Variants in LTBP1 observed in about 807,000 individuals in gnomAD.
LTBP1 encodes the protein latent transforming growth factor beta binding protein 1, also known as latent-transforming growth factor beta-binding protein 1.
Under a neutral mutation model 207.6 loss-of-function variants are expected in LTBP1, and 129 were observed. That is an observed-to-expected ratio of 0.62 (90% CI 0.54 to 0.72). LTBP1 has a LOEUF of 0.72. Among genes scored for constraint, LTBP1 ranks in the 30% least tolerant of loss-of-function variants. LTBP1 has a pLI of 0.00. For missense variants in LTBP1, 2,281 were observed against 2,217.2 expected (o/e 1.03, Z -0.58); for synonymous variants, 963 against 833.7 (o/e 1.16, Z -2.67).
chr2:33,270,537 C>T (rs1369121473), intron 15 of LTBP1, among the ~76,000 whole-genome samples: 2 of 145,990 alleles, frequency 1.4e-5, no homozygotes, highest in Non-Finnish European at 3.0e-5. Flanking sequence ...TTGCACTGAG[C>T]CGAGATCGTG....
intron 10 of LTBP1, 41 bp from the exon 11 acceptor site, chr2:33,252,636 T>C: frequency 1.7e-5 from 27 of 1,554,838 alleles, no homozygotes; most frequent in Non-Finnish European, 2.4e-5. Flanking sequence ...AATGTAGTTT[T>C]GGTTTCTCAT....
At chr2:32,963,911 G>A (rs867692101) in intron 2 of LTBP1, among the ~76,000 whole-genome samples, 2 of 152,156 alleles carry the variant, frequency 1.3e-5, no homozygotes, top group African/African-American at 2.4e-5. Flanking sequence ...TATCAAAAGC[G>A]AAGAATGATG....
At chr2:33,149,236 A>AAAAAAAC (rs2083313998) in intron 5 of LTBP1, among the ~76,000 whole-genome samples, 1 of 116,614 alleles carries the variant, frequency 8.6e-6, no homozygotes, top group Admixed American at 8.5e-5. Flanking sequence ...AACAAAAAAA[A>AAAAAAAC]AAAAAAAAAA....
At chr2:33,001,083 C>T (rs1197629361) in intron 2 of LTBP1, among the ~76,000 whole-genome samples, 1 of 134,748 alleles carries the variant, frequency 7.4e-6, no homozygotes. Context: ...GACCTTTAGT[C>T]CCTGAGCTGC....
chr2:33,254,324 T>G (rs1302257875), intron 11 of LTBP1, among the ~76,000 whole-genome samples: 5 of 152,108 alleles, frequency 3.3e-5, no homozygotes, highest in African/African-American at 1.2e-4. Context: ...ATTTTTTAAA[T>G]GTTTAGCTTT....
chr2:33,261,111 G>A (rs1573486371), intron 13 of LTBP1, among the ~76,000 whole-genome samples: 1 of 152,326 alleles, frequency 6.6e-6, no homozygotes, highest in Admixed American at 6.5e-5. Flanking sequence ...CCGAATTAGG[G>A]ACTGCTTTGG....
In LTBP1 at chr2:32,948,874, GGGT is replaced by G; in HGVS notation, c.495_497del (p.Val166del). 6.2e-7 allele frequency: 1 copy of G among 1,614,120 alleles called. No homozygotes were observed. The highest frequency in any genetic ancestry group is 2.2e-5 in the East Asian group (1 of 44,880). ...GACTCAGCGATCTTGCTTTGTTTCA[GGGT>G]CAATGTCTGTGGAGGGCGGTGCTGT... On this transcript the variant is annotated inframe_deletion and splice_region_variant, in exon 2 of 34. Coordinates refer to ENST00000404816, the MANE Select transcript of LTBP1 (RefSeq NM_206943.4).
chr2:33,205,440 T>G (rs2089773487), intron 7 of LTBP1, among the ~76,000 whole-genome samples: 1 of 152,230 alleles, frequency 6.6e-6, no homozygotes, highest in Admixed American at 6.5e-5. Context: ...TAGGTTGTGC[T>G]TCAGTAACAC....
At chr2:33,310,122 A>G (rs528316950) in intron 23 of LTBP1, among the ~76,000 whole-genome samples, 143 of 151,406 alleles carry the variant, frequency 9.4e-4, no homozygotes, top group African/African-American at 3.2e-3. Flanking sequence ...AAATTTTTGT[A>G]TTTTTACTGG....
intron 17 of LTBP1, among the ~76,000 whole-genome samples, chr2:33,275,334 G>A (rs2093403654): frequency 6.6e-6 from 1 of 152,106 alleles, no homozygotes; most frequent in African/African-American, 2.4e-5. Context: ...GGACCACCCT[G>A]CATGAATCAA....
At chr2:32,973,069 A>G (rs545313278) in intron 2 of LTBP1, among the ~76,000 whole-genome samples, 8 of 152,116 alleles carry the variant, frequency 5.3e-5, no homozygotes, top group Admixed American at 4.6e-4. Flanking sequence ...TGTGTGGTCA[A>G]TTTTAGAGTA....
rs553029584 is a variant in LTBP1 at position 33,257,392 on chromosome 2, C to T, written c.2276C>T (p.Pro759Leu). ...HVGKGPVFVK[P>L]KNTQPVAKST... ...GGTAAAGGACCTGTATTTGTCAAGC[C>T]AAAGAACACTCAACCTGTTGCTAAA... The change falls in exon 12 of 34, where the codon CCA (proline) becomes CTA (leucine). Residue 759 changes from proline to leucine, a missense_variant. By Grantham distance (98) the Pro-to-Leu change is moderately conservative. This residue lies in a region of LTBP1 where 1,671 missense variants were observed against 1,634.8 expected (regional missense o/e 1.02). Transcript: ENST00000404816. The T allele has an allele frequency of 1.9e-6, 3 of 1,614,204 alleles. No homozygotes were observed. The highest frequency in any genetic ancestry group is 1.3e-5 in the African/African-American group (1 of 75,056).
chr2:32,980,984 C>G (rs946194739), intron 2 of LTBP1, among the ~76,000 whole-genome samples: 2 of 152,096 alleles, frequency 1.3e-5, no homozygotes, highest in Non-Finnish European at 2.9e-5. Flanking sequence ...TGTTTCTTTT[C>G]TCTTGCTGCT....
At chr2:33,307,131 A>G (rs932723226) in intron 22 of LTBP1, among the ~76,000 whole-genome samples, 11 of 152,158 alleles carry the variant, frequency 7.2e-5, no homozygotes, top group African/African-American at 2.4e-4. Context: ...ACACCCATTA[A>G]AATAGTTGTA....
chr2:33,065,445 T>G (rs2077464082), intron 3 of LTBP1, among the ~76,000 whole-genome samples: 1 of 152,110 alleles, frequency 6.6e-6, no homozygotes, highest in Non-Finnish European at 1.5e-5. Context: ...CCCAAGCTAC[T>G]CAGGAGGCAG....
chr2:33,361,623 A>G, intron 28 of LTBP1, 108 bp downstream of exon 28: 1 of 707,826 alleles, frequency 1.4e-6, no homozygotes, highest in Non-Finnish European at 2.3e-6. Flanking sequence ...TAGTCATGAA[A>G]ACTGATTACA....
At chr2:33,199,578 C>T (rs966868571) in intron 7 of LTBP1, among the ~76,000 whole-genome samples, 1 of 152,108 alleles carries the variant, frequency 6.6e-6, no homozygotes, top group African/African-American at 2.4e-5. Context: ...ACAGGGATGC[C>T]CTCTCTCACC....
At chr2:33,108,449 T>C (rs1158259969) in intron 3 of LTBP1, among the ~76,000 whole-genome samples, 1 of 152,168 alleles carries the variant, frequency 6.6e-6, no homozygotes, top group African/African-American at 2.4e-5. Flanking sequence ...CTAGTACAGC[T>C]TGGTTTTACC....
chr2:33,382,674 AG>A (rs1288310912), intron 31 of LTBP1, among the ~76,000 whole-genome samples: 1 of 152,240 alleles, frequency 6.6e-6, no homozygotes, highest in African/African-American at 2.4e-5. Flanking sequence ...GCTAAGGCAA[AG>A]AGTACCTTAA....
Sources: gnomAD v4.1 joint callset for allele counts (sites outside exome capture counted in the v4.1 genomes callset) on GRCh38, gnomAD v4.1.1 for gene constraint, gnomAD v4.1.1 regional missense constraint, MANE v1.5 for transcripts, NCBI Gene and HGNC (gene_info 2026-07-23, HGNC 2026-07-21) for gene names.